Variants in LSMEM1 observed in about 807,000 individuals in gnomAD.
LSMEM1 encodes the protein leucine-rich single-pass membrane protein 1.
A neutral mutation model predicts 11.3 loss-of-function variants in LSMEM1; 10 were observed. The observed-to-expected ratio is 0.89, with a 90% CI of 0.55 to 1.50. The LOEUF (loss-of-function observed/expected upper bound fraction) is 1.50. Ranked by LOEUF, LSMEM1 falls within the 40% of genes most tolerant of loss-of-function variation. The pLI is 0.00. For synonymous variants in LSMEM1, 65 were observed against 59.3 expected, an observed-to-expected ratio of 1.10 and a Z score of -0.44; for missense variants, 151 against 152.9, an observed-to-expected ratio of 0.99 and a Z score of 0.06.
At chr7:112,483,093 AGTGT>A (rs1796060669) in intron 1 of LSMEM1, among the ~76,000 whole-genome samples, 1 of 151,454 alleles carries the variant, frequency 6.6e-6, no homozygotes, top group East Asian at 1.9e-4. Flanking sequence ...TTGCTCAGTA[AGTGT>A]CTGATACTTT....
At chr7:112,489,197 TAA>T (rs752252427) in intron 3 of LSMEM1, among the ~76,000 whole-genome samples, 2 of 152,214 alleles carry the variant, frequency 1.3e-5, no homozygotes, top group Non-Finnish European at 2.9e-5. Flanking sequence ...TTAGATACAT[TAA>T]GTTTATTATC....
rs1796217423 is a variant in LSMEM1 at position 112,490,589 on chromosome 7, C to T, written c.*640C>T. On this transcript the variant is annotated 3_prime_UTR_variant, in exon 4 of 4. Transcript: ENST00000312849. The stretch of plus-strand genomic sequence containing the variant: ...AATTCAACTAATGTTTATTAAGCTC[C>T]TACTCTGTGCAAATCACTCTACTCA... 1 of 152,248 alleles carries T rather than the reference C, an allele frequency of 6.6e-6. No individual in the cohort carries two copies. The highest frequency in any genetic ancestry group is 1.5e-5 in the Non-Finnish European group (1 of 68,090). 9.4% of individuals were successfully genotyped at this position (152,248 alleles called of 1,614,324 possible). A position where few individuals can be genotyped will look rare whatever the true frequency, so the allele number is the denominator to read the frequency against.
intron 3 of LSMEM1, among the ~76,000 whole-genome samples, chr7:112,487,967 A>G (rs547419190): frequency 2.6e-5 from 4 of 152,276 alleles, no homozygotes; most frequent in Non-Finnish European, 4.4e-5. Flanking sequence ...ATTTAATTTC[A>G]TTCAGGATTA....
In LSMEM1 at chr7:112,484,856, C is replaced by T. The variant is rs1796097373; in HGVS notation, c.40C>T (p.Gln14Ter). ...CCAGGACACTGGTTCTTGTGGCATT[C>T]AGGAAGATGGAAAGCTTTATGTGGT... is the stretch of plus-strand genomic sequence containing the variant. Reference protein sequence around the residue: ...SSQDTGSCGIQEDGKLYVVDS... With the variant: ...SSQDTGSCGI The change falls in exon 2 of 4, where the codon CAG becomes TAG. Residue 14 changes from glutamine to a stop codon, truncating the protein, a stop_gained. Transcript: ENST00000312849. LOFTEE classifies it high-confidence loss of function. 1.2e-6 allele frequency: 2 copies of T among 1,613,702 alleles called. No individual in the cohort carries two copies. Among genetic ancestry groups the T allele is most frequent in the Admixed American group, 1.7e-5 (1 of 60,002 alleles).
intron 3 of LSMEM1, among the ~76,000 whole-genome samples, chr7:112,487,747 C>T (rs545879689): frequency 5.9e-5 from 9 of 152,362 alleles, no homozygotes; most frequent in African/African-American, 1.9e-4. Flanking sequence ...TGTCCACCTG[C>T]GGTGCTGTCT....
intron 1 of LSMEM1, among the ~76,000 whole-genome samples, chr7:112,484,426 T>A (rs1261264842): frequency 6.6e-6 from 1 of 152,128 alleles, no homozygotes; most frequent in East Asian, 1.9e-4. Context: ...CACCAGAATG[T>A]GAACAATGTA....
chr7:112,490,028 A>G lies in LSMEM1; in HGVS notation c.*79A>G. 6.9e-7 allele frequency: 1 copy of G among 1,458,884 alleles called. No individual in the cohort carries two copies. Among genetic ancestry groups the G allele is most frequent in the Non-Finnish European group, 9.2e-7 (1 of 1,087,792 alleles). The allele number at this position is 1,458,884 out of a possible 1,614,324, so 90.4% of individuals were successfully genotyped here. ...GGAGTGTACAGGGTTAGGAACTGAG[A>G]AAGTGCACTTCCTCAGGCAACAGAT... On this transcript the variant is annotated 3_prime_UTR_variant, in exon 4 of 4. Transcript: ENST00000312849.
At position 112,484,848 on chromosome 7, in the gene LSMEM1, GT is replaced by G. The variant is rs1563279051; in HGVS notation, c.33del (p.Cys11TrpfsTer15). ...CATTCTTCCCAGGACACTGGTTCTTGTGGCATTCAGGAAGATGGAAAGCTTT... is the reference window on the plus strand; with the variant it reads ...CATTCTTCCCAGGACACTGGTTCTTGGGCATTCAGGAAGATGGAAAGCTTT... Reference protein sequence around the residue: MTHSSQDTGSCGIQEDGKLYV... With the variant: MTHSSQDTGSXGIQEDGKLYV... On this transcript the variant is annotated frameshift_variant, in exon 2 of 4. Transcript: ENST00000312849. LOFTEE classifies it high-confidence loss of function. The G allele has an allele frequency of 1.2e-6, 2 of 1,613,808 alleles. No individual in the cohort carries two copies. Among genetic ancestry groups the G allele is most frequent in the East Asian group, 2.2e-5 (1 of 44,854 alleles).
At position 112,486,837 on chromosome 7, in the gene LSMEM1, G is replaced by T. The variant is rs1425075827; in HGVS notation, c.128-86G>T. 3 of 1,565,850 alleles carry T rather than the reference G, an allele frequency of 1.9e-6. No individual in the cohort carries two copies. In the African/African-American group the frequency reaches 4.1e-5, roughly 21 times the overall value. ...AAAGTGGGTGTGTCCATTACTCACG[G>T]TCTAACACTGGGGTACTGTTCAGTT... is the stretch of plus-strand genomic sequence containing the variant. On this transcript the variant is annotated intron_variant, in intron 2 of 3. Transcript: ENST00000312849.
chr7:112,490,887 C>T lies in LSMEM1; in HGVS notation c.*938C>T, dbSNP rs1796223147. On this transcript the variant is annotated 3_prime_UTR_variant, in exon 4 of 4. Transcript: ENST00000312849. The stretch of plus-strand genomic sequence containing the variant: ...GTGTGAAATAAATGAGTTTAAAAAG[C>T]ATATGAGTCTTAGAAAATCTTTTAT... 6.6e-6 allele frequency: 1 copy of T among 152,114 alleles called. No homozygotes were observed. Among genetic ancestry groups the T allele is most frequent in the Non-Finnish European group, 1.5e-5 (1 of 68,024 alleles). The allele number at this position is 152,114 out of a possible 1,614,324, so 9.4% of individuals were successfully genotyped here.
At position 112,490,050 on chromosome 7, in the gene LSMEM1, A is replaced by G; in HGVS notation, c.*101A>G. 1 of 1,384,940 alleles carries G rather than the reference A, an allele frequency of 7.2e-7. No homozygotes were observed. Among genetic ancestry groups the G allele is most frequent in the Middle Eastern group, 1.9e-4 (1 of 5,364 alleles). The allele number at this position is 1,384,940 out of a possible 1,614,324, so 85.8% of individuals were successfully genotyped here. A position where few individuals can be genotyped will look rare whatever the true frequency, so the allele number is the denominator to read the frequency against. On this transcript the variant is annotated 3_prime_UTR_variant, in exon 4 of 4. Transcript: ENST00000312849. ...GAGAAAGTGCACTTCCTCAGGCAAC[A>G]GATGATCTGGTCAGGCAACCCACCC...
At chr7:112,488,514 C>G (rs1039401701) in intron 3 of LSMEM1, among the ~76,000 whole-genome samples, 4 of 152,194 alleles carry the variant, frequency 2.6e-5, no homozygotes, top group Non-Finnish European at 4.4e-5. Flanking sequence ...AGTCATTACT[C>G]TGTCCCAGAC....
In LSMEM1 at chr7:112,489,951, G is replaced by A. The variant is rs1296062561; in HGVS notation, c.*2G>A. ...CAACTGGACTCTGAACAAAACTAAAGGAATGATTTTCTGAAAGCACCTGCT... is the reference window on the plus strand; with the variant it reads ...CAACTGGACTCTGAACAAAACTAAAAGAATGATTTTCTGAAAGCACCTGCT... On this transcript the variant is annotated 3_prime_UTR_variant, in exon 4 of 4. Coordinates refer to ENST00000312849, the MANE Select transcript of LSMEM1 (RefSeq NM_182597.3). 1.2e-6 allele frequency: 2 copies of A among 1,611,614 alleles called. No individual in the cohort carries two copies. The highest frequency in any genetic ancestry group is 3.4e-5 in the Admixed American group (2 of 59,446).
intron 2 of LSMEM1, among the ~76,000 whole-genome samples, chr7:112,485,489 T>G (rs1164196157): frequency 6.6e-6 from 1 of 152,212 alleles, no homozygotes; most frequent in East Asian, 1.9e-4. Context: ...TCACTCTGAG[T>G]GCCATCTTTT....
chr7:112,481,395 C>T (rs374926291), intron 1 of LSMEM1, 49 bp downstream of exon 1: 4 of 152,168 alleles, frequency 2.6e-5, no homozygotes, highest in South Asian at 2.1e-4. Flanking sequence ...TTATGATTCT[C>T]GAGTCTGGGA....
intron 1 of LSMEM1, among the ~76,000 whole-genome samples, chr7:112,482,817 A>G (rs1022732325): frequency 3.9e-5 from 6 of 152,080 alleles, no homozygotes; most frequent in Non-Finnish European, 8.8e-5. Flanking sequence ...ATGCTCTATG[A>G]AGTATATTTG....
At chr7:112,486,888 G>T in intron 2 of LSMEM1, 35 bp from the exon 3 acceptor site, 1 of 1,613,306 alleles carries the variant, frequency 6.2e-7, no homozygotes. Flanking sequence ...ATGCTGAGCA[G>T]TTTTTGTCCT....
At chr7:112,485,423 G>C (rs1796110030) in intron 2 of LSMEM1, among the ~76,000 whole-genome samples, 1 of 152,152 alleles carries the variant, frequency 6.6e-6, no homozygotes. Context: ...AATAAAATCT[G>C]CTAAATACTA....
Position 112,484,943 on chromosome 7 carries a change from C to A in LSMEM1, c.127C>A (p.Pro43Thr). ...TCCAGCCGGATCGCAGCATCTGTTC[C>A]GTATGTGTGCTGGGGAAGGCACAGC... is the stretch of plus-strand genomic sequence containing the variant. ...LCPAGSQHLFPLEDKIPVLGT... is the reference protein window; with the variant it reads ...LCPAGSQHLFTLEDKIPVLGT... Residue 43 changes from proline (P) to threonine (T), a missense_variant and splice_region_variant, in exon 2 of 4, where the codon CCT (proline) becomes ACT (threonine). Pro to Thr is a conservative substitution (Grantham distance 38, BLOSUM62 -1). Transcript: ENST00000312849. The A allele has an allele frequency of 6.2e-7, 1 of 1,606,730 alleles. No individual in the cohort carries two copies. The highest frequency in any genetic ancestry group is 1.1e-5 in the South Asian group (1 of 90,848).
Sources: gnomAD v4.1 joint callset for allele counts (sites outside exome capture counted in the v4.1 genomes callset) on GRCh38, gnomAD v4.1.1 for gene constraint, MANE v1.5 for transcripts, NCBI Gene and HGNC (gene_info 2026-07-23, HGNC 2026-07-21) for gene names.